The following ZNF214 variants were observed in gnomAD, a reference collection of about 807,000 sequenced individuals.
ZNF214 encodes BWSCR2-associated zinc finger protein 1.
Under a neutral mutation model 53.9 loss-of-function variants are expected in ZNF214, and 43 were observed. The ratio of observed to expected loss-of-function variants is 0.80; its 90% CI spans 0.63 to 1.03. The LOEUF (loss-of-function observed/expected upper bound fraction) is 1.03. ZNF214 is among the 50% of genes least tolerant of loss of function. ZNF214 has a pLI of 0.00. For missense variants in ZNF214, 724 were observed against 719.1 expected (o/e 1.01, Z -0.08); for synonymous variants, 217 against 229.5 (o/e 0.95, Z 0.49).
At chr11:7,018,981 T>C (rs1225317993) in intron 1 of ZNF214, among the ~76,000 whole-genome samples, 1 of 152,100 alleles carries the variant, frequency 6.6e-6, no homozygotes, top group Non-Finnish European at 1.5e-5. Context: ...TGTCCAGTCA[T>C]CCATCCATCC....
At position 7,000,411 on chromosome 11, in the gene ZNF214, G is replaced by C. The variant is rs750876194; in HGVS notation, c.1272C>G (p.Thr424=). The C allele has an allele frequency of 2.3e-5, 37 of 1,612,970 alleles. No individual in the cohort carries two copies. The highest frequency in any genetic ancestry group is 3.1e-5 in the Non-Finnish European group (37 of 1,179,532). The change falls in exon 3 of 3, where the codon ACC becomes ACG. Residue 424 remains threonine, a synonymous_variant. Transcript: ENST00000278314. ...GATGAATTTGAAGATTTGAGCGCTG[G>C]GTAAAGCCTTTACCACAGTCTTCAC... ...YKCEDCGKGF[T]QRSNLQIHQR...
At position 7,000,732 on chromosome 11, in the gene ZNF214, A is replaced by C; in HGVS notation, c.951T>G (p.Ser317Arg). 1 of 1,610,738 alleles carries C rather than the reference A, an allele frequency of 6.2e-7. No individual in the cohort carries two copies. Among genetic ancestry groups the C allele is most frequent in the Non-Finnish European group, 8.5e-7 (1 of 1,179,180 alleles). ...ACGKSFSQISSLHNHQRVHTE... is the reference protein window; with the variant it reads ...ACGKSFSQISRLHNHQRVHTE... ...TGTGGACTCTTTGATGATTGTGAAG[A>C]CTAGAGATCTGGCTGAAGCTCTTAC... The change falls in exon 3 of 3, where the codon AGT becomes AGG. Residue 317 changes from serine to arginine, a missense_variant. Transcript: ENST00000278314.
rs866602388 is a variant in ZNF214, at chr11:7,000,560, C to T, written c.1123G>A (p.Val375Ile). 6.2e-7 allele frequency: 1 copy of T among 1,611,830 alleles called. No homozygotes were observed. Among genetic ancestry groups the T allele is most frequent in the Non-Finnish European group, 8.5e-7 (1 of 1,179,014 alleles). ...KSFNRSSVLH[V>I]HQRVHTGEKP... ...TCTCCTGTGTGGACTCTCTGATGAA[C>T]ATGAAGTACTGAACTCCGATTAAAA... Residue 375 changes from valine to isoleucine, a missense_variant, in exon 3 of 3, where the codon GTT becomes ATT. Transcript: ENST00000278314.
Position 7,000,580 on chromosome 11 carries a change from T to C in ZNF214, c.1103A>G (p.Asn368Ser), listed in dbSNP as rs1211907132. 1.9e-6 allele frequency: 3 copies of C among 1,611,216 alleles called. No individual in the cohort carries two copies. The Middle Eastern group carries it at 5.0e-4, about 267-fold the overall frequency. The stretch of plus-strand genomic sequence containing the variant: ...ATGAACATGAAGTACTGAACTCCGA[T>C]TAAAACTCTTACCACACTGATTACA... ...FKCNQCGKSF[N>S]RSSVLHVHQR... Residue 368 changes from asparagine (N) to serine (S), a missense_variant, in exon 3 of 3, where the codon AAT (asparagine) becomes AGT (serine). By Grantham distance (46) the Asn-to-Ser change is conservative (BLOSUM62 1). Coordinates refer to ENST00000278314, the MANE Select transcript of ZNF214 (RefSeq NM_013249.4).
At chr11:7,009,785 A>C (rs1047390192) in intron 1 of ZNF214, among the ~76,000 whole-genome samples, 3 of 152,028 alleles carry the variant, frequency 2.0e-5, no homozygotes, top group African/African-American at 7.2e-5. Flanking sequence ...TTTCAAAAGA[A>C]GACATACATG....
chr11:7,014,862 T>A (rs1851721494), intron 1 of ZNF214, among the ~76,000 whole-genome samples: 1 of 149,912 alleles, frequency 6.7e-6, no homozygotes, highest in African/African-American at 2.4e-5. Flanking sequence ...TGCAGTGTGC[T>A]GAGATCACGC....
chr11:7,004,819 C>CT (rs1851437081), intron 1 of ZNF214, among the ~76,000 whole-genome samples: 1 of 152,116 alleles, frequency 6.6e-6, no homozygotes, highest in Admixed American at 6.6e-5. Context: ...ACTACAGTCC[C>CT]TGCTGACAGC....
At position 7,000,234 on chromosome 11, in the gene ZNF214, T is replaced by G. The variant is rs2133377874; in HGVS notation, c.1449A>C (p.Ser483=). The part of the protein sequence containing the change: ...PECGKGFSKS[S]KLHTHQRVHT... ...GTACTCTTTGATGAGTGTGAAGCTT[T>G]GAACTCTTACTGAAGCCCTTCCCAC... Residue 483 remains serine (S), a synonymous_variant, in exon 3 of 3, where the codon TCA becomes TCC. Coordinates refer to ENST00000278314, the MANE Select transcript of ZNF214 (RefSeq NM_013249.4). The G allele has an allele frequency of 6.2e-7, 1 of 1,613,284 alleles. No homozygotes were observed. The highest frequency in any genetic ancestry group is 8.5e-7 in the Non-Finnish European group (1 of 1,179,590).
chr11:7,007,010 G>A (rs1444533708), intron 1 of ZNF214, among the ~76,000 whole-genome samples: 3 of 151,530 alleles, frequency 2.0e-5, no homozygotes, highest in African/African-American at 7.3e-5. Flanking sequence ...AAATAGGAGT[G>A]AACAAAGAAA....
In ZNF214 at chr11:6,999,765, T is replaced by C; in HGVS notation, c.*97A>G. On this transcript the variant is annotated 3_prime_UTR_variant, in exon 3 of 3. Coordinates refer to ENST00000278314, the MANE Select transcript of ZNF214 (RefSeq NM_013249.4). ...GGAAACTATAAATGTTGCTTGGGAT[T>C]ACTTGTGTTATTTATAAGATTTCCT... The C allele has an allele frequency of 7.6e-7, 1 of 1,314,804 alleles. No homozygotes were observed. Among genetic ancestry groups the C allele is most frequent in the Non-Finnish European group, 1.0e-6 (1 of 977,500 alleles). The allele number at this position is 1,314,804 out of a possible 1,614,324, so 81.4% of individuals were successfully genotyped here.
At chr11:7,005,962 C>T (rs1458927616) in intron 1 of ZNF214, among the ~76,000 whole-genome samples, 2 of 152,016 alleles carry the variant, frequency 1.3e-5, no homozygotes, top group African/African-American at 2.4e-5. Flanking sequence ...AATCAATTTT[C>T]AGAGTAATGA....
chr11:7,014,001 CAA>C (rs1851683268), intron 1 of ZNF214, among the ~76,000 whole-genome samples: 1 of 152,098 alleles, frequency 6.6e-6, no homozygotes, highest in Non-Finnish European at 1.5e-5. Flanking sequence ...CAAAACAAAA[CAA>C]AGCAGAAGAC....
Position 6,999,878 on chromosome 11 carries a change from C to T in ZNF214, c.1805G>A (p.Arg602Lys). ...GAACAATATTTATAAGTTTCCTCTTCTATGATTATTGTGAAGATGTGAATT... is the reference window on the plus strand; with the variant it reads ...GAACAATATTTATAAGTTTCCTCTTTTATGATTATTGTGAAGATGTGAATT... ...DHNSHLHNNHRRGNL is the reference protein window; with the variant it reads ...DHNSHLHNNHKRGNL The change falls in exon 3 of 3, where the codon AGA becomes AAA. Residue 602 changes from arginine to lysine, a missense_variant. Physicochemically the swap from Arg to Lys is conservative, Grantham distance 26. Coordinates refer to ENST00000278314, the MANE Select transcript of ZNF214 (RefSeq NM_013249.4). 6.2e-7 allele frequency: 1 copy of T among 1,607,438 alleles called. No individual in the cohort carries two copies. The highest frequency in any genetic ancestry group is 8.5e-7 in the Non-Finnish European group (1 of 1,176,530).
chr11:7,002,928 C>A, intron 1 of ZNF214, 73 bp from the exon 2 acceptor site: 29 of 1,369,836 alleles, frequency 2.1e-5, no homozygotes, highest in South Asian at 5.6e-5. Flanking sequence ...TGTGGCAAGC[C>A]GAATAGAAAA....
intron 1 of ZNF214, among the ~76,000 whole-genome samples, chr11:7,008,504 G>C (rs893894962): frequency 7.3e-6 from 1 of 137,904 alleles, no homozygotes; most frequent in South Asian, 2.6e-4. Context: ...AAGGCTCAAA[G>C]TATTTACCTT....
chr11:6,998,314 C>T lies in ZNF214; in HGVS notation c.*1548G>A, dbSNP rs1009975128. On this transcript the variant is annotated 3_prime_UTR_variant, in exon 3 of 3. Transcript: ENST00000278314. Reference sequence around the variant, plus strand: ...GCTTTAATACTGGTTTTGCCTAAAACTTAGTGACCATATACTTTTAACTCA... The same window carrying T: ...GCTTTAATACTGGTTTTGCCTAAAATTTAGTGACCATATACTTTTAACTCA... Among the ~76,000 whole-genome samples, 1 of 151,876 alleles carries T rather than the reference C, an allele frequency of 6.6e-6. No homozygotes were observed. The highest frequency in any genetic ancestry group is 1.5e-5 in the Non-Finnish European group (1 of 67,892).
chr11:7,017,973 A>G (rs138545403), intron 1 of ZNF214, among the ~76,000 whole-genome samples: 1,598 of 152,290 alleles, frequency 0.01, 12 homozygotes, highest in Middle Eastern at 0.044. Flanking sequence ...CATGGAGACT[A>G]TTTGTCATGA....
intron 2 of ZNF214, among the ~76,000 whole-genome samples, chr11:7,002,237 C>T (rs564262853): frequency 4.5e-4 from 69 of 152,104 alleles, no homozygotes; most frequent in African/African-American, 1.3e-3. Flanking sequence ...ACTGAGCCGA[C>T]TGCCCCACAT....
In ZNF214 at chr11:7,001,537, T is replaced by C. The variant is rs752032989; in HGVS notation, c.146A>G (p.Tyr49Cys). Residue 49 changes from tyrosine (Y) to cysteine (C), a missense_variant, in exon 3 of 3, where the codon TAC becomes TGC. Tyr to Cys is a radical substitution (Grantham distance 194, BLOSUM62 -2). Coordinates refer to ENST00000278314, the MANE Select transcript of ZNF214 (RefSeq NM_013249.4). ...VMSVENWNES[Y>C]KSQEEKFRYL... ...TCTGAATTTTTCTTCTTGGGATTTGTAGCTCTCATTCCAGTTTTCTAGAAA... is the reference window on the plus strand; with the variant it reads ...TCTGAATTTTTCTTCTTGGGATTTGCAGCTCTCATTCCAGTTTTCTAGAAA... 1.9e-6 allele frequency: 3 copies of C among 1,602,174 alleles called. No homozygotes were observed. The highest frequency in any genetic ancestry group is 2.6e-6 in the Non-Finnish European group (3 of 1,173,500).
Sources: gnomAD v4.1 joint callset for allele counts (sites outside exome capture counted in the v4.1 genomes callset) on GRCh38, gnomAD v4.1.1 for gene constraint, MANE v1.5 for transcripts, NCBI Gene and HGNC (gene_info 2026-07-23, HGNC 2026-07-21) for gene names.